Variants in PPFIA1 observed in about 807,000 individuals in gnomAD.
PPFIA1 encodes liprin-alpha-1.
PPFIA1 carries 25 observed loss-of-function variants against 149.9 expected under a neutral mutation model. The ratio of observed to expected loss-of-function variants is 0.17; its 90% confidence interval spans 0.12 to 0.23. The LOEUF is 0.23. PPFIA1 is among the 10% of genes least tolerant of loss of function. The pLI is 1.00. For missense variants in PPFIA1, 1,362 were observed against 1,506.5 expected (o/e 0.90, Z 1.59); for synonymous variants, 549 against 552.8 (o/e 0.99, Z 0.10).
In PPFIA1 at chr11:70,380,562, G is replaced by A. The variant is rs558744618; in HGVS notation, c.3551-1526G>A. 6.6e-5 allele frequency among the ~76,000 whole-genome samples: 10 copies of A among 150,946 alleles called. No homozygotes were observed. The East Asian group carries it at 1.6e-3, about 24-fold the overall frequency. ...ACTGCACTCCAGCCTGGGCGACAGA[G>A]CAGGACTGTCTCAAAAGAAAAAATT... On this transcript the variant is annotated intron_variant, in intron 26 of 27. Transcript: ENST00000253925.
chr11:70,336,455 T>C (rs2054985198), intron 11 of PPFIA1, among the ~76,000 whole-genome samples: 1 of 151,054 alleles, frequency 6.6e-6, no homozygotes, highest in Non-Finnish European at 1.5e-5. Flanking sequence ...TGAGCCAAGA[T>C]TGCGCCACTG....
intron 25 of PPFIA1, among the ~76,000 whole-genome samples, chr11:70,377,638 C>A: frequency 6.6e-6 from 1 of 151,976 alleles, no homozygotes; most frequent in African/African-American, 2.4e-5. Flanking sequence ...CATTCCAGCT[C>A]GGGCAACAGA....
At chr11:70,306,964 C>T (rs2052895044) in intron 2 of PPFIA1, among the ~76,000 whole-genome samples, 1 of 152,156 alleles carries the variant, frequency 6.6e-6, no homozygotes, top group Non-Finnish European at 1.5e-5. Context: ...TATTGCTTCC[C>T]ACCTCTCCCA....
At chr11:70,294,939 C>T (rs1286282094) in intron 2 of PPFIA1, among the ~76,000 whole-genome samples, 2 of 151,980 alleles carry the variant, frequency 1.3e-5, no homozygotes, top group Admixed American at 1.3e-4. Context: ...AATGACAAGT[C>T]TCCCATGTCT....
chr11:70,353,120 C>T (rs1193083542), intron 16 of PPFIA1, among the ~76,000 whole-genome samples: 1 of 152,202 alleles, frequency 6.6e-6, no homozygotes, highest in Non-Finnish European at 1.5e-5. Flanking sequence ...TAAATGAGCA[C>T]AGCTCCATTT....
chr11:70,322,730 A>G (rs1176221995), intron 2 of PPFIA1, among the ~76,000 whole-genome samples: 1 of 152,234 alleles, frequency 6.6e-6, no homozygotes, highest in Admixed American at 6.5e-5. Context: ...ATGTCTATAT[A>G]TATTTAATTG....
intron 19 of PPFIA1, among the ~76,000 whole-genome samples, chr11:70,359,498 TG>T (rs2056528455): frequency 6.6e-6 from 1 of 152,168 alleles, no homozygotes; most frequent in Non-Finnish European, 1.5e-5. Context: ...GAGAGGGTCC[TG>T]CTCTGTCACC....
chr11:70,355,809 A>G lies in PPFIA1; in HGVS notation c.2486A>G (p.Gln829Arg), dbSNP rs1591323534. 1.2e-6 allele frequency: 2 copies of G among 1,607,780 alleles called. No individual in the cohort carries two copies. Among genetic ancestry groups the G allele is most frequent in the African/African-American group, 1.3e-5 (1 of 74,414 alleles). The change falls in exon 18 of 28, where the codon CAA becomes CGA. Residue 829 changes from glutamine (Q) to arginine (R), a missense_variant and splice_region_variant. Physicochemically the swap from Gln to Arg is conservative, Grantham distance 43. Coordinates refer to ENST00000253925, the MANE Select transcript of PPFIA1 (RefSeq NM_003626.5). ...CAAACTGGCAAAGAAGCATTAGGAC[A>G]AGGTTGGTTGGTTTTCCGCACCCTT... ...PGQTGKEALG[Q>R]AGVSETDNSS...
intron 13 of PPFIA1, 116 bp from the exon 14 acceptor site, chr11:70,339,055 T>C: frequency 7.8e-7 from 1 of 1,278,892 alleles, no homozygotes; most frequent in Non-Finnish European, 1.1e-6. Context: ...GTGCCCTCCC[T>C]GGAGACCCTT....
intron 2 of PPFIA1, chr11:70,278,926 G>T: frequency 3.3e-6 from 2 of 610,652 alleles, no homozygotes; most frequent in Non-Finnish European, 6.4e-6. Flanking sequence ...ACAGTCTGCT[G>T]TTGTCCTTTC....
chr11:70,317,938 C>T (rs2053730485), intron 2 of PPFIA1, among the ~76,000 whole-genome samples: 1 of 152,166 alleles, frequency 6.6e-6, no homozygotes, highest in Non-Finnish European at 1.5e-5. Flanking sequence ...TTCCACCTTC[C>T]TGGGACCGAC....
chr11:70,330,163 C>T lies in PPFIA1; in HGVS notation c.931-10C>T, dbSNP rs1176859599. The T allele has an allele frequency of 1.9e-6, 3 of 1,577,124 alleles. No homozygotes were observed. The highest frequency in any genetic ancestry group is 1.2e-5 in the South Asian group (1 of 84,696). ...CTACTTTTTTGTCCCCTCTGAAATA[C>T]CTAATTTAGGCCATGGCCCAAAAGG... On this transcript the variant is annotated splice_polypyrimidine_tract_variant and intron_variant, in intron 7 of 27. Coordinates refer to ENST00000253925, the MANE Select transcript of PPFIA1 (RefSeq NM_003626.5).
At chr11:70,343,011 G>A (rs965453644) in intron 14 of PPFIA1, among the ~76,000 whole-genome samples, 20 of 139,808 alleles carry the variant, frequency 1.4e-4, no homozygotes, top group Non-Finnish European at 2.6e-4. Flanking sequence ...GCAGTGGCGC[G>A]ACCTGGACTC....
At chr11:70,325,335 C>T (rs1591214967) in intron 4 of PPFIA1, among the ~76,000 whole-genome samples, 165 bp from the exon 5 acceptor site, 1 of 151,788 alleles carries the variant, frequency 6.6e-6, no homozygotes, top group East Asian at 1.9e-4. Flanking sequence ...GAGCCATTAA[C>T]AAGTTTTCTT....
intron 21 of PPFIA1, chr11:70,363,171 T>TC (rs1360025088): frequency 3.3e-5 from 5 of 152,250 alleles, no homozygotes; most frequent in Non-Finnish European, 7.3e-5. Context: ...TAAATGAATC[T>TC]GTAAAGTCAG....
chr11:70,322,867 G>C (rs1171264894), intron 2 of PPFIA1, among the ~76,000 whole-genome samples: 1 of 152,144 alleles, frequency 6.6e-6, no homozygotes, highest in Non-Finnish European at 1.5e-5. Context: ...TTACTCCCCA[G>C]CCAGGCGCAG....
At chr11:70,375,359 T>C in intron 24 of PPFIA1, 1 of 292,284 alleles carries the variant, frequency 3.4e-6, no homozygotes. Flanking sequence ...ATTTAGTTCT[T>C]ACATGGAAAG....
intron 14 of PPFIA1, among the ~76,000 whole-genome samples, chr11:70,342,936 CT>C (rs71463672): frequency 3.7e-3 from 290 of 78,142 alleles, no homozygotes; most frequent in African/African-American, 9.2e-3. Flanking sequence ...AATGTACCAC[CT>C]TTTTTTTTTT....
In PPFIA1 at chr11:70,293,171, C is replaced by T. The variant is rs114228259; in HGVS notation, c.264+20735C>T. On this transcript the variant is annotated intron_variant, in intron 2 of 27. Transcript: ENST00000253925. ...TAATTTCCTAAACGGGATCTTTTAACGGTTACCTACCTGTTCTTCAGTGGC... is the reference window on the plus strand; with the variant it reads ...TAATTTCCTAAACGGGATCTTTTAATGGTTACCTACCTGTTCTTCAGTGGC... Among the ~76,000 whole-genome samples, 778 of 152,354 alleles carry T rather than the reference C, an allele frequency of 5.1e-3. 7 individuals carry two copies. Among genetic ancestry groups the T allele is most frequent in the African/African-American group, 0.018 (746 of 41,580 alleles).
Sources: gnomAD v4.1 joint callset for allele counts (sites outside exome capture counted in the v4.1 genomes callset) on GRCh38, gnomAD v4.1.1 for gene constraint, MANE v1.5 for transcripts, NCBI Gene and HGNC (gene_info 2026-07-23, HGNC 2026-07-21) for gene names.